The following NDUFA5 variants were observed in gnomAD, a reference collection of about 807,000 sequenced individuals.
The protein encoded by NDUFA5 is NADH dehydrogenase [ubiquinone] 1 alpha subcomplex subunit 5.
NDUFA5 carries 11 observed loss-of-function variants against 19.8 expected under a neutral mutation model. That is an observed-to-expected ratio of 0.56 (90% CI 0.35 to 0.92). The LOEUF (loss-of-function observed/expected upper bound fraction) is 0.92, where lower values mean the gene tolerates loss of function less well. Ranked by LOEUF, NDUFA5 falls within the 40% of genes least tolerant of loss-of-function variation. The pLI is 0.01. For synonymous variants in NDUFA5, 47 were observed against 46.8 expected, an observed-to-expected ratio of 1.00 and a Z score of -0.01; for missense variants, 109 against 134.2, an observed-to-expected ratio of 0.81 and a Z score of 0.93.
At chr7:123,553,347 G>A (rs974942502) in intron 2 of NDUFA5, among the ~76,000 whole-genome samples, 7 of 152,238 alleles carry the variant, frequency 4.6e-5, no homozygotes, top group African/African-American at 1.7e-4. Context: ...GAGAGCATGT[G>A]CAGGGGACCT....
At chr7:123,552,166 CT>C (rs1168091693) in intron 2 of NDUFA5, among the ~76,000 whole-genome samples, 2 of 148,380 alleles carry the variant, frequency 1.3e-5, no homozygotes, top group African/African-American at 2.5e-5. Flanking sequence ...AAAGAGCAAC[CT>C]TTTTTTTCAA....
chr7:123,593,823 C>T, the NDUFA5 span, among the ~76,000 whole-genome samples: 1 of 152,118 alleles, frequency 6.6e-6, no homozygotes, highest in Non-Finnish European at 1.5e-5. Flanking sequence ...TGAAAGTTGG[C>T]CTGCCTTGCT....
At chr7:123,553,324 T>C (rs896509714) in intron 2 of NDUFA5, among the ~76,000 whole-genome samples, 11 of 152,356 alleles carry the variant, frequency 7.2e-5, no homozygotes, top group Non-Finnish European at 1.0e-4. Flanking sequence ...TTGTCTTACA[T>C]GGCAGGAAGC....
At chr7:123,571,077 A>G in the NDUFA5 span, among the ~76,000 whole-genome samples, 1 of 152,190 alleles carries the variant, frequency 6.6e-6, no homozygotes, top group South Asian at 2.1e-4. Flanking sequence ...GGTCAATAAA[A>G]GTTGTAATAT....
intron 3 of NDUFA5, 116 bp from the exon 4 acceptor site, chr7:123,545,792 A>C: frequency 1.5e-6 from 1 of 662,138 alleles, no homozygotes; most frequent in Non-Finnish European, 2.5e-6. Context: ...TTCTTTCATC[A>C]TACTCTTTTT....
At chr7:123,590,595 T>G in the NDUFA5 span, among the ~76,000 whole-genome samples, 1 of 152,222 alleles carries the variant, frequency 6.6e-6, no homozygotes, top group African/African-American at 2.4e-5. Context: ...CCCCATTTCT[T>G]GTTTTTGTCA....
At chr7:123,574,810 C>T in the NDUFA5 span, among the ~76,000 whole-genome samples, 1 of 152,102 alleles carries the variant, frequency 6.6e-6, no homozygotes, top group East Asian at 1.9e-4. Flanking sequence ...GCAGCTTACA[C>T]ATCTTTAAGT....
chr7:123,574,977 C>G, the NDUFA5 span, among the ~76,000 whole-genome samples: 2 of 151,642 alleles, frequency 1.3e-5, no homozygotes, highest in African/African-American at 4.8e-5. Context: ...AGATGTAAGA[C>G]TCCACCATGA....
At chr7:123,569,993 G>A in the NDUFA5 span, among the ~76,000 whole-genome samples, 21 of 147,912 alleles carry the variant, frequency 1.4e-4, no homozygotes, top group African/African-American at 5.2e-4. Context: ...ATAAGTCACT[G>A]TCAACAATAC....
At chr7:123,552,635 C>CAAA (rs1798391671) in intron 2 of NDUFA5, among the ~76,000 whole-genome samples, 1 of 40,792 alleles carries the variant, frequency 2.5e-5, no homozygotes, top group Admixed American at 2.5e-4. Context: ...TAAAGTATAA[C>CAAA]TAAAAAAAAA....
the NDUFA5 span, among the ~76,000 whole-genome samples, chr7:123,600,651 T>A: frequency 6.6e-6 from 1 of 152,204 alleles, no homozygotes. Flanking sequence ...ACTATTGCAA[T>A]ACACAGTTAA....
At chr7:123,547,938 G>T (rs917183228) in intron 3 of NDUFA5, among the ~76,000 whole-genome samples, 2 of 151,944 alleles carry the variant, frequency 1.3e-5, no homozygotes, top group African/African-American at 4.8e-5. Context: ...TTCGAGGTGG[G>T]TATTATTATA....
chr7:123,597,917 CGT>C, the NDUFA5 span, among the ~76,000 whole-genome samples: 18,736 of 132,772 alleles, frequency 0.14, 1,167 homozygotes, highest in Admixed American at 0.18. Flanking sequence ...TTTCAAACTT[CGT>C]GTGTGTGTGT....
intron 2 of NDUFA5, chr7:123,554,776 G>C (rs1229775088): frequency 1.3e-5 from 2 of 151,604 alleles, no homozygotes; most frequent in Non-Finnish European, 2.9e-5. Flanking sequence ...CTCAACCTCT[G>C]GGGCTCAAGC....
chr7:123,589,559 G>A, the NDUFA5 span, among the ~76,000 whole-genome samples: 2 of 152,060 alleles, frequency 1.3e-5, no homozygotes, highest in Non-Finnish European at 2.9e-5. Flanking sequence ...TTATGAGTGA[G>A]AATATGCTGT....
At chr7:123,569,137 C>T in the NDUFA5 span, among the ~76,000 whole-genome samples, 1 of 152,204 alleles carries the variant, frequency 6.6e-6, no homozygotes, top group East Asian at 1.9e-4. Flanking sequence ...ATTCTGGGGA[C>T]CTGTCAGTAA....
chr7:123,597,335 T>C, the NDUFA5 span, among the ~76,000 whole-genome samples: 1 of 152,232 alleles, frequency 6.6e-6, no homozygotes, highest in Non-Finnish European at 1.5e-5. Context: ...ACCTTTATTT[T>C]ATTTAATGAT....
At chr7:123,546,543 G>A in intron 3 of NDUFA5, 1 of 571,632 alleles carries the variant, frequency 1.7e-6, no homozygotes, top group Non-Finnish European at 2.6e-6. Context: ...AGTAAACTGA[G>A]CTTTTTGAGC....
the NDUFA5 span, among the ~76,000 whole-genome samples, chr7:123,587,923 C>T: frequency 6.6e-6 from 1 of 151,630 alleles, no homozygotes; most frequent in South Asian, 2.1e-4. Context: ...TAATGCACTG[C>T]TGAATTTGGT....
Sources: allele counts gnomAD v4.1 joint callset (sites outside exome capture counted in the v4.1 genomes callset), GRCh38; gene constraint gnomAD v4.1.1; transcripts MANE v1.5; gene names NCBI Gene and HGNC (gene_info 2026-07-23, HGNC 2026-07-21).